The following PRR16 variants were observed in gnomAD, a reference collection of about 807,000 sequenced individuals.
PRR16 encodes the protein proline rich 16, also known as protein Largen.
Under a neutral mutation model 18.2 loss-of-function variants are expected in PRR16, and 6 were observed. That is an observed-to-expected ratio of 0.33 (90% CI 0.18 to 0.65). The LOEUF is 0.65. PRR16 is among the 30% of genes least tolerant of loss of function. The probability of loss-of-function intolerance (pLI) is 0.74; values close to 1 mark genes in which losing one functional copy is unlikely to be tolerated. For missense variants in PRR16, 412 were observed against 376.6 expected, an observed-to-expected ratio of 1.09 and a Z score of -0.78; for synonymous variants, 151 against 147.8, an observed-to-expected ratio of 1.02 and a Z score of -0.16.
chr5:120,620,955 G>T (rs890288361), intron 1 of PRR16, among the ~76,000 whole-genome samples: 6 of 151,996 alleles, frequency 3.9e-5, no homozygotes, highest in African/African-American at 1.4e-4. Context: ...CAATACCCAG[G>T]CCCATAATTC....
At chr5:120,792,788 T>C in the PRR16 span, among the ~76,000 whole-genome samples, 3 of 152,164 alleles carry the variant, frequency 2.0e-5, no homozygotes, top group Non-Finnish European at 4.4e-5. Flanking sequence ...TAAAATCTAG[T>C]TGGAGAGAAC....
intron 1 of PRR16, among the ~76,000 whole-genome samples, chr5:120,564,966 A>G (rs572988269): frequency 1.3e-5 from 2 of 148,548 alleles, no homozygotes; most frequent in African/African-American, 5.0e-5. Flanking sequence ...AGCCTGGGTG[A>G]CAGAGCAAGA....
At chr5:120,765,278 C>CAAAT in the PRR16 span, among the ~76,000 whole-genome samples, 1 of 151,898 alleles carries the variant, frequency 6.6e-6, no homozygotes, top group Non-Finnish European at 1.5e-5. Flanking sequence ...ACAGTGTAAC[C>CAAAT]AAATAGACTT....
Position 120,561,488 on chromosome 5 carries a change from G to A in PRR16, c.159+96843G>A, listed in dbSNP as rs550108090. Among the ~76,000 whole-genome samples the A allele has an allele frequency of 2.0e-5, 3 of 152,136 alleles. No homozygotes were observed. The South Asian group carries it at 6.2e-4, about 32-fold the overall frequency. On this transcript the variant is annotated intron_variant, in intron 1 of 1. Transcript: ENST00000407149. ...TTGTGGTCAGAGAAGATTCTCAATA[G>A]TATTTCAATTTTTTGAATATTTTAA... is the stretch of plus-strand genomic sequence containing the variant.
intron 1 of PRR16, among the ~76,000 whole-genome samples, chr5:120,532,605 A>C (rs1268048130): frequency 6.6e-6 from 1 of 152,062 alleles, no homozygotes; most frequent in East Asian, 1.9e-4. Flanking sequence ...CCTTAGACTA[A>C]GGTGGTTAAA....
At chr5:120,540,757 C>A (rs1488166262) in intron 1 of PRR16, among the ~76,000 whole-genome samples, 2 of 152,132 alleles carry the variant, frequency 1.3e-5, no homozygotes, top group Non-Finnish European at 2.9e-5. Context: ...CCAAAAATTG[C>A]AACCTCAGGA....
At chr5:120,691,870 A>C (rs1366819143), downstream of PRR16, among the ~76,000 whole-genome samples, 1 of 152,168 alleles carries the variant, frequency 6.6e-6, no homozygotes, top group Non-Finnish European at 1.5e-5. Context: ...CTTTATTCTA[A>C]ACACTCTTCG....
In PRR16 at chr5:120,647,996, G is replaced by A. The variant is rs912125796; in HGVS notation, c.160-37958G>A. Among the ~76,000 whole-genome samples the A allele has an allele frequency of 3.3e-5, 5 of 151,986 alleles. No homozygotes were observed. In the East Asian group the frequency reaches 9.6e-4, roughly 29 times the overall value. On this transcript the variant is annotated intron_variant, in intron 1 of 1. Transcript: ENST00000407149. ...GATATAGCATTTTGGAAAGGAATGG[G>A]TTAGCAATTAACTAAAATTAGAAGA... is the stretch of plus-strand genomic sequence containing the variant.
the PRR16 span, among the ~76,000 whole-genome samples, chr5:120,695,117 C>G: frequency 1.3e-5 from 2 of 152,148 alleles, no homozygotes; most frequent in Non-Finnish European, 2.9e-5. Context: ...TCATCTGGCA[C>G]TATTATTTTC....
the PRR16 span, among the ~76,000 whole-genome samples, chr5:120,749,140 A>G: frequency 6.6e-6 from 1 of 152,230 alleles, no homozygotes; most frequent in East Asian, 1.9e-4. Flanking sequence ...CTATAAATTA[A>G]AACTAAAGCA....
rs1757143543 is a variant in PRR16, at chr5:120,686,787, A to G, written c.*78A>G. 1.7e-6 allele frequency: 2 copies of G among 1,173,374 alleles called. No individual in the cohort carries two copies. Among genetic ancestry groups the G allele is most frequent in the Non-Finnish European group, 2.2e-6 (2 of 892,064 alleles). 72.7% of individuals were successfully genotyped at this position (1,173,374 alleles called of 1,614,324 possible). On this transcript the variant is annotated 3_prime_UTR_variant, in exon 2 of 2. Transcript: ENST00000407149. ...ATAAGTAATGAGCACTTTCTACTCA[A>G]GCAATAAAAAGCCCAAATATATTAA...
At chr5:120,753,486 A>C in the PRR16 span, among the ~76,000 whole-genome samples, 1 of 151,908 alleles carries the variant, frequency 6.6e-6, no homozygotes, top group Non-Finnish European at 1.5e-5. Flanking sequence ...TTTTTAGTTA[A>C]ATAATGGAGT....
the PRR16 span, among the ~76,000 whole-genome samples, chr5:120,780,457 A>G: frequency 6.6e-6 from 1 of 152,200 alleles, no homozygotes; most frequent in Non-Finnish European, 1.5e-5. Context: ...GATTTCTAGA[A>G]AACATTTTTC....
intron 1 of PRR16, among the ~76,000 whole-genome samples, chr5:120,624,266 A>G (rs1754788397): frequency 6.6e-6 from 1 of 152,152 alleles, no homozygotes; most frequent in African/African-American, 2.4e-5. Context: ...GGATAACAGG[A>G]TTTAAGATGA....
chr5:120,607,260 C>T (rs1419601615), intron 1 of PRR16, among the ~76,000 whole-genome samples: 4 of 152,116 alleles, frequency 2.6e-5, no homozygotes, highest in African/African-American at 9.6e-5. Context: ...GAGAGGCTGT[C>T]TTTTTTCCCC....
intron 1 of PRR16, among the ~76,000 whole-genome samples, chr5:120,628,752 T>C: frequency 6.7e-6 from 1 of 150,360 alleles, no homozygotes; most frequent in South Asian, 2.1e-4. Context: ...CTATCTATCA[T>C]CTATCTGTCT....
chr5:120,762,692 C>A, the PRR16 span, among the ~76,000 whole-genome samples: 1 of 152,072 alleles, frequency 6.6e-6, no homozygotes, highest in Non-Finnish European at 1.5e-5. Context: ...TGTTCCTTGT[C>A]AGATGAATAC....
rs1195014225 is a variant in PRR16 at position 120,464,394 on chromosome 5, G to A, written c.-93G>A. Reference sequence around the variant, plus strand: ...GAGCGCCCAAGATGTGGGGGGACCGGGGCGGCAGCGGCCGTAGCAGCGCCA... The same window carrying A: ...GAGCGCCCAAGATGTGGGGGGACCGAGGCGGCAGCGGCCGTAGCAGCGCCA... On this transcript the variant is annotated 5_prime_UTR_variant, in exon 1 of 2. Coordinates refer to ENST00000407149, the MANE Select transcript of PRR16 (RefSeq NM_001300783.2). 1.4e-5 allele frequency: 20 copies of A among 1,395,104 alleles called. No homozygotes were observed. The highest frequency in any genetic ancestry group is 2.4e-5 in the Admixed American group (1 of 42,176). 86.4% of individuals were successfully genotyped at this position (1,395,104 alleles called of 1,614,324 possible). A position where few individuals can be genotyped will look rare whatever the true frequency, so the allele number is the denominator to read the frequency against.
At chr5:120,724,012 G>A in the PRR16 span, among the ~76,000 whole-genome samples, 1 of 150,490 alleles carries the variant, frequency 6.6e-6, no homozygotes, top group South Asian at 2.1e-4. Flanking sequence ...CTTAAAAAGT[G>A]GGTGACCTCT....
Sources: gnomAD v4.1 joint callset for allele counts (sites outside exome capture counted in the v4.1 genomes callset) on GRCh38, gnomAD v4.1.1 for gene constraint, MANE v1.5 for transcripts, NCBI Gene and HGNC (gene_info 2026-07-23, HGNC 2026-07-21) for gene names.